Variants in NELL2 observed in about 807,000 individuals in gnomAD.
The protein encoded by NELL2 is neural EGFL like 2, also known as protein kinase C-binding protein NELL2.
NELL2 carries 41 observed loss-of-function variants against 109.6 expected under a neutral mutation model. The observed-to-expected ratio is 0.37, with a 90% CI of 0.29 to 0.49. NELL2 has a LOEUF of 0.49. Ranked by LOEUF, NELL2 falls within the 20% of genes least tolerant of loss-of-function variation. The pLI is 0.98. For missense variants in NELL2, 900 were observed against 1,008.3 expected, an observed-to-expected ratio of 0.89 and a Z score of 1.45; for synonymous variants, 355 against 344.7, an observed-to-expected ratio of 1.03 and a Z score of -0.33.
In NELL2 at chr12:44,773,631, A is replaced by G. The variant is rs552535524; in HGVS notation, c.994+1116T>C. Among the ~76,000 whole-genome samples, 69 of 152,322 alleles carry G rather than the reference A, an allele frequency of 4.5e-4. 1 individual carries two copies. The highest frequency in any genetic ancestry group is 7.3e-4 in the Non-Finnish European group (50 of 68,032). On this transcript the variant is annotated intron_variant, in intron 9 of 19. Transcript: ENST00000429094. ...TTGCCACAAGCCTCCTTTTATTAAG[A>G]GAAGTCCTAGAAAAATGCAGATTAT...
intron 12 of NELL2, among the ~76,000 whole-genome samples, chr12:44,681,686 C>A (rs1240163115): frequency 6.6e-6 from 1 of 151,908 alleles, no homozygotes; most frequent in African/African-American, 2.4e-5. Context: ...TTTGTTCTTG[C>A]GATAGTTTAC....
At chr12:44,920,229 T>C (rs1290607300) in intron 1 of NELL2, among the ~76,000 whole-genome samples, 1 of 152,098 alleles carries the variant, frequency 6.6e-6, no homozygotes. Flanking sequence ...AATAAAATAA[T>C]GAAATCACAA....
intron 2 of NELL2, among the ~76,000 whole-genome samples, chr12:44,823,263 G>T (rs918109847): frequency 6.6e-6 from 1 of 151,918 alleles, no homozygotes; most frequent in Admixed American, 6.6e-5. Context: ...TTAATGTATG[G>T]TGAGAACATT....
chr12:44,509,114 C>T, intron 19 of NELL2, 130 bp from the exon 20 acceptor site: 1 of 727,292 alleles, frequency 1.4e-6, no homozygotes, highest in East Asian at 2.8e-5. Flanking sequence ...AATTCAATGG[C>T]CCAATCACTT....
At chr12:44,813,980 T>G (rs994953620) in intron 3 of NELL2, among the ~76,000 whole-genome samples, 12 of 152,172 alleles carry the variant, frequency 7.9e-5, no homozygotes, top group Admixed American at 7.2e-4. Context: ...TTAAACTATT[T>G]TAAGAAGTAT....
At chr12:44,909,920 C>G (rs1043403204) in intron 1 of NELL2, among the ~76,000 whole-genome samples, 5 of 151,858 alleles carry the variant, frequency 3.3e-5, no homozygotes, top group South Asian at 2.1e-4. Context: ...AATAGCTGTC[C>G]AGCTATACGC....
chr12:44,832,212 C>T (rs1409943383), intron 2 of NELL2, among the ~76,000 whole-genome samples: 1 of 152,142 alleles, frequency 6.6e-6, no homozygotes, highest in East Asian at 1.9e-4. Context: ...TAACCAACCC[C>T]TGGAATCAAC....
chr12:44,761,325 G>A (rs558926028), intron 9 of NELL2, among the ~76,000 whole-genome samples: 13 of 152,158 alleles, frequency 8.5e-5, no homozygotes, highest in Admixed American at 3.3e-4. Context: ...CCAAGATTGC[G>A]CCACTGCACT....
chr12:44,719,905 AG>A (rs1242754495), intron 9 of NELL2, among the ~76,000 whole-genome samples: 9 of 152,306 alleles, frequency 5.9e-5, no homozygotes, highest in African/African-American at 1.9e-4. Flanking sequence ...ATTTTTGAAA[AG>A]AATGTACAAT....
Position 44,875,874 on chromosome 12 carries a change from C to T in NELL2, c.-5G>A, listed in dbSNP as rs1355174263. ...CAGTAAGACCCGAGACTCCATGGTG[C>T]GGATCAGCTCAGTCCATCGTCTCCC... On this transcript the variant is annotated 5_prime_UTR_variant, in exon 1 of 20. Coordinates refer to ENST00000429094, the MANE Select transcript of NELL2 (RefSeq NM_001145108.2). The T allele has an allele frequency of 2.5e-5, 40 of 1,613,820 alleles. No homozygotes were observed. The highest frequency in any genetic ancestry group is 2.8e-5 in the Non-Finnish European group (33 of 1,180,036).
chr12:44,819,805 C>T (rs1417792291), intron 2 of NELL2, among the ~76,000 whole-genome samples: 2 of 152,146 alleles, frequency 1.3e-5, no homozygotes, highest in Admixed American at 6.5e-5. Flanking sequence ...ACAAAGCCAG[C>T]GGAAGCCCCA....
At chr12:44,558,745 G>A (rs528944189) in intron 15 of NELL2, among the ~76,000 whole-genome samples, 14 of 152,254 alleles carry the variant, frequency 9.2e-5, no homozygotes, top group Admixed American at 7.2e-4. Flanking sequence ...AAAACCGAGC[G>A]GTTGTTTGGG....
rs540102027 is a variant in NELL2 at position 44,871,064 on chromosome 12, G to A, written c.184+4161C>T. Among the ~76,000 whole-genome samples, 18 of 151,900 alleles carry A rather than the reference G, an allele frequency of 1.2e-4. No individual in the cohort carries two copies. The South Asian group carries it at 1.5e-3, about 12-fold the overall frequency. ...TTCTACTTCTCTAGACTTCCTCCACGTTCTCAAATGCACATTCATCCCATG... is the reference window on the plus strand; with the variant it reads ...TTCTACTTCTCTAGACTTCCTCCACATTCTCAAATGCACATTCATCCCATG... On this transcript the variant is annotated intron_variant, in intron 2 of 19. Transcript: ENST00000429094.
At chr12:44,703,895 A>G (rs1261436409) in intron 11 of NELL2, 41 bp from the exon 12 acceptor site, 1 of 1,545,828 alleles carries the variant, frequency 6.5e-7, no homozygotes, top group East Asian at 2.3e-5. Flanking sequence ...AAATGAAACT[A>G]TGACAATGCA....
At chr12:44,639,411 G>A (rs991112903) in intron 13 of NELL2, among the ~76,000 whole-genome samples, 1 of 152,098 alleles carries the variant, frequency 6.6e-6, no homozygotes, top group African/African-American at 2.4e-5. Flanking sequence ...TCCACCCGCA[G>A]CGCACTCATA....
chr12:44,620,125 T>TG (rs1255940436), intron 13 of NELL2, among the ~76,000 whole-genome samples: 20 of 146,580 alleles, frequency 1.4e-4, no homozygotes, highest in Non-Finnish European at 2.8e-4. Flanking sequence ...GGTTTTGTTT[T>TG]TTTTTTTTTT....
chr12:44,875,582 T>C, intron 1 of NELL2: 2 of 1,613,654 alleles, frequency 1.2e-6, no homozygotes, highest in Non-Finnish European at 1.7e-6. Flanking sequence ...CCCTTCTCTC[T>C]GCAAAGTTCC....
chr12:44,867,031 C>T (rs865787280), intron 2 of NELL2, among the ~76,000 whole-genome samples: 24 of 152,112 alleles, frequency 1.6e-4, no homozygotes, highest in Admixed American at 4.6e-4. Flanking sequence ...AAGTCCAAGG[C>T]CTGATGGCTT....
At chr12:44,888,845 A>T (rs1566596282) in intron 1 of NELL2, among the ~76,000 whole-genome samples, 1 of 151,616 alleles carries the variant, frequency 6.6e-6, no homozygotes, top group Non-Finnish European at 1.5e-5. Context: ...TAAAATAAAA[A>T]AAAAATAAAT....
Sources: gnomAD v4.1 joint callset for allele counts (sites outside exome capture counted in the v4.1 genomes callset) on GRCh38, gnomAD v4.1.1 for gene constraint, MANE v1.5 for transcripts, NCBI Gene and HGNC (gene_info 2026-07-23, HGNC 2026-07-21) for gene names.